TTC21A: variants seen among roughly 807,000 people sequenced by gnomAD.
The protein encoded by TTC21A is tetratricopeptide repeat protein 21A.
Under a neutral mutation model 156.4 loss-of-function variants are expected in TTC21A, and 128 were observed. The ratio of observed to expected loss-of-function variants is 0.82; its 90% confidence interval spans 0.71 to 0.95. The LOEUF is 0.95. TTC21A is among the 40% of genes least tolerant of loss of function. The probability of loss-of-function intolerance (pLI) is 0.00; values close to 1 mark genes in which losing one functional copy is unlikely to be tolerated. For missense variants in TTC21A, 1,435 were observed against 1,602.3 expected (o/e 0.90, Z 1.78); for synonymous variants, 587 against 617.1 (o/e 0.95, Z 0.72).
rs764347645 is a variant in TTC21A at position 39,125,465 on chromosome 3, T to C, written c.1325T>C (p.Phe442Ser). 1.2e-6 allele frequency: 2 copies of C among 1,614,128 alleles called. No homozygotes were observed. The highest frequency in any genetic ancestry group is 3.3e-4 in the Middle Eastern group (2 of 6,062). The change falls in exon 11 of 29, where the codon TTT (phenylalanine) becomes TCT (serine). Residue 442 changes from phenylalanine to serine, a missense_variant. Transcript: ENST00000683103. ...GGCATCCCTCTTGGCTCTGAGTACT[T>C]TGAAAAGCTGGACCCGTACTTCCTG... ...MQGIPLGSEY[F>S]EKLDPYFLVC... is the part of the protein sequence containing the mutation.
Position 39,134,905 on chromosome 3 carries a change from G to T in TTC21A, c.2863-188G>T. 1.6e-6 allele frequency: 1 copy of T among 609,954 alleles called. No homozygotes were observed. Among genetic ancestry groups the T allele is most frequent in the South Asian group, 2.0e-5 (1 of 51,064 alleles). The allele number at this position is 609,954 out of a possible 1,614,324, so 37.8% of individuals were successfully genotyped here. On this transcript the variant is annotated intron_variant, in intron 21 of 28. Transcript: ENST00000683103. This position sits in a 1 kb window ranked among gnomAD's most constrained non-coding sequence, Gnocchi z 4.6. ...TCACCTTGGGAAGTCCTCACCTTCT[G>T]GGTGGGGGCCTGAGAAACCCTCAGG...
chr3:39,107,688 G>A lies in TTC21A; in HGVS notation c.-150G>A. ...TTTGTTCCTCCCACTCCAGACACTG[G>A]ACGCTCCTAGCAACCGGCTAGCAGC... On this transcript the variant is annotated 5_prime_UTR_variant, in exon 1 of 29. Coordinates refer to ENST00000683103, the MANE Select transcript of TTC21A (RefSeq NM_001366900.1). 1 of 1,318,334 alleles carries A rather than the reference G, an allele frequency of 7.6e-7. No individual in the cohort carries two copies. Among genetic ancestry groups the A allele is most frequent in the Non-Finnish European group, 1.1e-6 (1 of 938,254 alleles). The allele number at this position is 1,318,334 out of a possible 1,614,324, so 81.7% of individuals were successfully genotyped here.
In TTC21A at chr3:39,110,927, T is replaced by C. The variant is rs34600458; in HGVS notation, c.345T>C (p.Tyr115=). The change falls in exon 4 of 29, where the codon TAT becomes TAC. Residue 115 remains tyrosine (Y), a synonymous_variant. Transcript: ENST00000683103. ...RKTVSGTALY[Y]AGLFLWLIGR... The stretch of plus-strand genomic sequence containing the variant: ...CAGTCAGTGGGACTGCACTGTACTA[T>C]GCTGGCCTTTTCCTCTGGCTCATAG... 53 of 1,614,068 alleles carry C rather than the reference T, an allele frequency of 3.3e-5. No homozygotes were observed. The African/African-American group carries it at 6.5e-4, about 20-fold the overall frequency.
At position 39,134,680 on chromosome 3, in the gene TTC21A, C is replaced by T; in HGVS notation, c.2862+352C>T. The T allele has an allele frequency of 2.1e-6, 1 of 474,800 alleles. No individual in the cohort carries two copies. The highest frequency in any genetic ancestry group is 2.1e-5 in the South Asian group (1 of 47,900). 29.4% of individuals were successfully genotyped at this position (474,800 alleles called of 1,614,324 possible). Reference sequence around the variant, plus strand: ...TCCTGCCTCTCTCTTCCCTATCATCCAGACCTCCTCTAGGGCTGGCCCAGG... The same window carrying T: ...TCCTGCCTCTCTCTTCCCTATCATCTAGACCTCCTCTAGGGCTGGCCCAGG... On this transcript the variant is annotated intron_variant, in intron 21 of 28. Transcript: ENST00000683103. This position sits in a 1 kb window ranked among gnomAD's most constrained non-coding sequence, Gnocchi z 4.6.
At chr3:39,124,356 C>A (rs913029206) in intron 9 of TTC21A, among the ~76,000 whole-genome samples, 9 of 151,978 alleles carry the variant, frequency 5.9e-5, no homozygotes, top group African/African-American at 2.2e-4. Context: ...CTATCATATA[C>A]AAATTTTAAA....
At chr3:39,124,033 A>C (rs2037994969) in intron 9 of TTC21A, among the ~76,000 whole-genome samples, 1 of 152,188 alleles carries the variant, frequency 6.6e-6, no homozygotes, top group Admixed American at 6.5e-5. Flanking sequence ...TGAAGAAAGG[A>C]TATTTTAAAT....
rs1314942981 is a variant in TTC21A at position 39,130,095 on chromosome 3, C to G, written c.2152C>G (p.Leu718Val). 3 of 1,614,156 alleles carry G rather than the reference C, an allele frequency of 1.9e-6. No homozygotes were observed. In the South Asian group the frequency reaches 3.3e-5, roughly 18 times the overall value. The change falls in exon 16 of 29, where the codon CTG becomes GTG. Residue 718 changes from leucine to valine, a missense_variant. Leu to Val is a conservative substitution (Grantham distance 32, BLOSUM62 1). Transcript: ENST00000683103. The surrounding 1 kb of genome is among the most constrained non-coding windows in gnomAD (Gnocchi z 4.5). Reference protein sequence around the residue: ...IRCYRELCEHLPGPHTSLLLG... With the variant: ...IRCYRELCEHVPGPHTSLLLG... ...TGCTTGCAGTGAGCTCTGTGAACAT[C>G]TGCCTGGCCCCCACACCAGCCTGCT...
Position 39,121,124 on chromosome 3 carries a change from A to C in TTC21A, c.1028A>C (p.Lys343Thr). The C allele has an allele frequency of 1.2e-6, 2 of 1,614,166 alleles. No homozygotes were observed. Among genetic ancestry groups the C allele is most frequent in the Non-Finnish European group, 1.7e-6 (2 of 1,180,006 alleles). Reference protein sequence around the residue: ...GYLFILKNQVKEALLWYSEAM... With the variant: ...GYLFILKNQVTEALLWYSEAM... ...CTCTTCATCCTGAAGAACCAAGTGA[A>C]AGAGGCCTTGCTGTGGTATTCAGAA... The change falls in exon 9 of 29, where the codon AAA becomes ACA. Residue 343 changes from lysine to threonine, a missense_variant. Physicochemically the swap from Lys to Thr is moderately conservative, Grantham distance 78 (BLOSUM62 -1). Transcript: ENST00000683103.
chr3:39,134,946 C>T lies in TTC21A; in HGVS notation c.2863-147C>T. On this transcript the variant is annotated intron_variant, in intron 21 of 28. Transcript: ENST00000683103. This position sits in a 1 kb window ranked among gnomAD's most constrained non-coding sequence, Gnocchi z 4.6. Reference sequence around the variant, plus strand: ...AACCCTCAGGCTTCTCCTGTGGCAGCTTCTCACAAGGCCTAGGGAGGCTGC... The same window carrying T: ...AACCCTCAGGCTTCTCCTGTGGCAGTTTCTCACAAGGCCTAGGGAGGCTGC... 1.5e-6 allele frequency: 1 copy of T among 683,398 alleles called. No homozygotes were observed. Among genetic ancestry groups the T allele is most frequent in the Non-Finnish European group, 2.6e-6 (1 of 384,982 alleles). 42.3% of individuals were successfully genotyped at this position (683,398 alleles called of 1,614,324 possible). A position where few individuals can be genotyped will look rare whatever the true frequency, so the allele number is the denominator to read the frequency against.
intron 5 of TTC21A, among the ~76,000 whole-genome samples, chr3:39,114,150 C>A (rs894653445): frequency 1.3e-5 from 2 of 152,200 alleles, no homozygotes; most frequent in African/African-American, 4.8e-5. Flanking sequence ...TGCCAGAAAA[C>A]CCTAACTGAC....
intron 3 of TTC21A, 150 bp from the exon 4 acceptor site, chr3:39,110,701 G>T (rs138908936): frequency 1.3e-6 from 1 of 780,278 alleles, no homozygotes; most frequent in East Asian, 2.7e-5. Flanking sequence ...CAGGCCTTGG[G>T]CTGCATGCGG....
intron 6 of TTC21A, among the ~76,000 whole-genome samples, chr3:39,115,633 C>T (rs1041224603): frequency 6.6e-6 from 1 of 152,134 alleles, no homozygotes; most frequent in Non-Finnish European, 1.5e-5. Flanking sequence ...TGTCACTGTG[C>T]TCCAGCCTGG....
At chr3:39,126,626 TACACACAC>T (rs58486401) in intron 12 of TTC21A, among the ~76,000 whole-genome samples, 20 of 147,594 alleles carry the variant, frequency 1.4e-4, no homozygotes, top group Non-Finnish European at 2.2e-4. Flanking sequence ...CCTGGTGTAC[TACACACAC>T]ACACACACAC....
intron 19 of TTC21A, chr3:39,132,642 T>C (rs912638541): frequency 3.2e-5 from 7 of 220,294 alleles, no homozygotes; most frequent in African/African-American, 1.7e-4. Context: ...TGATCATTTG[T>C]GTGGTGAATA....
At chr3:39,117,462 T>C (rs2037390480) in intron 6 of TTC21A, among the ~76,000 whole-genome samples, 1 of 152,220 alleles carries the variant, frequency 6.6e-6, no homozygotes, top group Admixed American at 6.5e-5. Context: ...AGCTTCACAA[T>C]AGTACAAAAT....
Position 39,129,291 on chromosome 3 carries a change from C to T in TTC21A, c.2116C>T (p.Leu706Phe). 6.2e-7 allele frequency: 1 copy of T among 1,614,064 alleles called. No homozygotes were observed. Among genetic ancestry groups the T allele is most frequent in the Non-Finnish European group, 8.5e-7 (1 of 1,179,876 alleles). The change falls in exon 15 of 29, where the codon CTC becomes TTC. Residue 706 changes from leucine (L) to phenylalanine (F), a missense_variant. Physicochemically the swap from Leu to Phe is conservative, Grantham distance 22 (BLOSUM62 0). Transcript: ENST00000683103. ...CCTGCAGACCCTCAGAGACAGGCGCCTCTACATCAGATGCTACCGGTAAGC... is the reference window on the plus strand; with the variant it reads ...CCTGCAGACCCTCAGAGACAGGCGCTTCTACATCAGATGCTACCGGTAAGC... The part of the protein sequence containing the change: ...IYLQTLRDRR[L>F]YIRCYRELCE...
Position 39,131,043 on chromosome 3 carries a change from CA to C in TTC21A, c.2513del (p.Lys838ArgfsTer11). The stretch of plus-strand genomic sequence containing the variant: ...GATGTTAAGTGCCTGCTTTTGCTGG[CA>C]AAGGTTTACAAGAGCCATAAAAAAG... Reference protein sequence around the residue: ...MNDVKCLLLLAKVYKSHKKEA... With the variant: ...MNDVKCLLLLXKVYKSHKKEA... On this transcript the variant is annotated frameshift_variant, in exon 19 of 29. Coordinates refer to ENST00000683103, the MANE Select transcript of TTC21A (RefSeq NM_001366900.1). LOFTEE classifies it high-confidence loss of function. The C allele has an allele frequency of 6.2e-7, 1 of 1,613,302 alleles. No homozygotes were observed. The highest frequency in any genetic ancestry group is 8.5e-7 in the Non-Finnish European group (1 of 1,179,992).
At position 39,129,123 on chromosome 3, in the gene TTC21A, C is replaced by A. The variant is rs199900796; in HGVS notation, c.1948C>A (p.Pro650Thr). ...CACCATCAATGAGTTCGGTGGCACA[C>A]CAGAAGAGAACCGCATCACCATTGC... ...QDTINEFGGT[P>T]EENRITIANV... Residue 650 changes from proline (P) to threonine (T), a missense_variant, in exon 15 of 29, where the codon CCA (proline) becomes ACA (threonine). Coordinates refer to ENST00000683103, the MANE Select transcript of TTC21A (RefSeq NM_001366900.1). The A allele has an allele frequency of 3.4e-4, 556 of 1,614,228 alleles. 1 individual carries two copies. Among genetic ancestry groups the A allele is most frequent in the Non-Finnish European group, 3.7e-4 (442 of 1,180,048 alleles).
At chr3:39,119,232 C>G (rs2037539969) in intron 7 of TTC21A, 1 of 152,188 alleles carries the variant, frequency 6.6e-6, no homozygotes, top group Non-Finnish European at 1.5e-5. Flanking sequence ...CCATACCATC[C>G]TTGGTTTTGC....
Sources: allele counts gnomAD v4.1 joint callset (sites outside exome capture counted in the v4.1 genomes callset), GRCh38; gene constraint gnomAD v4.1.1; non-coding constraint Gnocchi (gnomAD v3.1); transcripts MANE v1.5; gene names NCBI Gene and HGNC (gene_info 2026-07-23, HGNC 2026-07-21).